Variants in TFAP2E observed in about 807,000 individuals in gnomAD.
The protein encoded by TFAP2E is transcription factor AP-2 epsilon.
A neutral mutation model predicts 37.9 loss-of-function variants in TFAP2E; 30 were observed. The observed-to-expected ratio is 0.79, with a 90% CI of 0.59 to 1.07. The LOEUF (loss-of-function observed/expected upper bound fraction) is 1.07. TFAP2E is among the 50% of genes least tolerant of loss of function. The probability of loss-of-function intolerance (pLI) is 0.00; values close to 1 mark genes in which losing one functional copy is unlikely to be tolerated. For synonymous variants in TFAP2E, 318 were observed against 295.8 expected, an observed-to-expected ratio of 1.08 and a Z score of -0.77; for missense variants, 567 against 637.9, an observed-to-expected ratio of 0.89 and a Z score of 1.20.
Position 35,594,977 on chromosome 1 carries a change from A to G in TFAP2E, c.*301A>G. The G allele has an allele frequency of 2.4e-6, 1 of 421,140 alleles. No individual in the cohort carries two copies. Among genetic ancestry groups the G allele is most frequent in the Non-Finnish European group, 4.3e-6 (1 of 233,968 alleles). The allele number at this position is 421,140 out of a possible 1,614,324, so 26.1% of individuals were successfully genotyped here. A position where few individuals can be genotyped will look rare whatever the true frequency, so the allele number is the denominator to read the frequency against. Reference sequence around the variant, plus strand: ...TGAAAAGATCTGGCTCATGGGGCAGAGCCCTTTCCATTAGCGTGGCTGGGT... The same window carrying G: ...TGAAAAGATCTGGCTCATGGGGCAGGGCCCTTTCCATTAGCGTGGCTGGGT... On this transcript the variant is annotated 3_prime_UTR_variant, in exon 7 of 7. Coordinates refer to ENST00000373235, the MANE Select transcript of TFAP2E (RefSeq NM_178548.4).
intron 6 of TFAP2E, among the ~76,000 whole-genome samples, chr1:35,593,908 A>G (rs1649756086): frequency 6.6e-6 from 1 of 152,214 alleles, no homozygotes; most frequent in South Asian, 2.1e-4. Flanking sequence ...TAATAATAGT[A>G]TAGACTTGTT....
In TFAP2E at chr1:35,573,373, C is replaced by A; in HGVS notation, c.-205C>A. The A allele has an allele frequency of 1.8e-6, 1 of 541,874 alleles. No individual in the cohort carries two copies. Among genetic ancestry groups the A allele is most frequent in the South Asian group, 3.5e-5 (1 of 28,514 alleles). 33.6% of individuals were successfully genotyped at this position (541,874 alleles called of 1,614,324 possible). ...CCGACTTTTCCAAGTGCGATCAGTG[C>A]CCGTCCGTCCTGCCTCCATGGACCC... On this transcript the variant is annotated 5_prime_UTR_variant, in exon 1 of 7. Transcript: ENST00000373235. This position sits in a 1 kb window ranked among gnomAD's most constrained non-coding sequence, Gnocchi z 5.9.
chr1:35,574,337 C>A lies in TFAP2E; in HGVS notation c.438C>A (p.Gly146=). ...GGCTCCTGCACGGCCTGGCCGACGG[C>A]GCGCACGGCCTGGCAGACGCACCTC... The part of the protein sequence containing the change: ...VPRLLHGLAD[G]AHGLADAPLG... Residue 146 remains glycine, a synonymous_variant, in exon 2 of 7, where the codon GGC becomes GGA. Coordinates refer to ENST00000373235, the MANE Select transcript of TFAP2E (RefSeq NM_178548.4). 6.9e-7 allele frequency: 1 copy of A among 1,445,862 alleles called. No individual in the cohort carries two copies. Among genetic ancestry groups the A allele is most frequent in the South Asian group, 1.4e-5 (1 of 72,870 alleles). The allele number at this position is 1,445,862 out of a possible 1,614,324, so 89.6% of individuals were successfully genotyped here. A position where few individuals can be genotyped will look rare whatever the true frequency, so the allele number is the denominator to read the frequency against.
intron 6 of TFAP2E, among the ~76,000 whole-genome samples, chr1:35,591,359 C>T (rs994407865): frequency 6.6e-6 from 1 of 152,180 alleles, no homozygotes; most frequent in African/African-American, 2.4e-5. Context: ...GCCCTACTCC[C>T]CATCGCAGGT....
intron 2 of TFAP2E, 66 bp from the exon 3 acceptor site, chr1:35,574,883 G>A (rs376551858): frequency 1.9e-6 from 3 of 1,610,012 alleles, no homozygotes. Context: ...TGGGTGGCAG[G>A]GGCTTGGGAA....
chr1:35,579,677 G>A (rs1479608426), intron 3 of TFAP2E, among the ~76,000 whole-genome samples: 1 of 152,086 alleles, frequency 6.6e-6, no homozygotes, highest in Non-Finnish European at 1.5e-5. Flanking sequence ...TTACAGGCGT[G>A]AGCCACCACG....
In TFAP2E at chr1:35,581,829, C is replaced by A. The variant is rs12032010; in HGVS notation, c.563-6501C>A. ...TCAGGTGATCCACCCGCCTTGGCCT[C>A]CCAAAATGCTGGGCTTACAGGTATG... On this transcript the variant is annotated intron_variant, in intron 3 of 6. Coordinates refer to ENST00000373235, the MANE Select transcript of TFAP2E (RefSeq NM_178548.4). 7.2e-3 allele frequency among the ~76,000 whole-genome samples: 1,096 copies of A among 152,046 alleles called. 15 individuals are homozygous for A. Among genetic ancestry groups the A allele is most frequent in the African/African-American group, 0.022 (920 of 41,454 alleles).
Position 35,579,166 on chromosome 1 carries a change from C to G in TFAP2E, c.562+4166C>G, listed in dbSNP as rs1167003838. 1.6e-4 allele frequency among the ~76,000 whole-genome samples: 22 copies of G among 134,952 alleles called. No homozygotes were observed. The East Asian group carries it at 5.1e-3, about 31-fold the overall frequency. The allele number at this position is 134,952 out of a possible 152,430, so 88.5% of individuals were successfully genotyped here. The stretch of plus-strand genomic sequence containing the variant: ...ATCCCAGCACTTTGGGAGGCCGAGG[C>G]GGGTGGATCACCTGAGGTCTGGAGT... On this transcript the variant is annotated intron_variant, in intron 3 of 6. Transcript: ENST00000373235.
rs1417419847 is a variant in TFAP2E, at chr1:35,577,321, C to T, written c.562+2321C>T. The T allele has an allele frequency of 2.2e-6, 1 of 455,684 alleles. No homozygotes were observed. 28.2% of individuals were successfully genotyped at this position (455,684 alleles called of 1,614,324 possible). A position where few individuals can be genotyped will look rare whatever the true frequency, so the allele number is the denominator to read the frequency against. ...CCCTCGGCGCCCCCAGCAGTTTTCA[C>T]CTTGGCCCTCCGCGGTCACTGCGGG... is the stretch of plus-strand genomic sequence containing the variant. On this transcript the variant is annotated intron_variant, in intron 3 of 6. Transcript: ENST00000373235. This position sits in a 1 kb window ranked among gnomAD's most constrained non-coding sequence, Gnocchi z 6.3.
chr1:35,591,120 T>C (rs11264179), intron 6 of TFAP2E, among the ~76,000 whole-genome samples: 39,649 of 152,046 alleles, frequency 0.26, 10,890 homozygotes, highest in East Asian at 0.78. Context: ...TTCCTGGGCA[T>C]ATGTGTGCAT....
chr1:35,586,305 A>T (rs1557436756), intron 3 of TFAP2E, among the ~76,000 whole-genome samples: 1 of 152,148 alleles, frequency 6.6e-6, no homozygotes, highest in Admixed American at 6.5e-5. Flanking sequence ...ACCTCTTTGA[A>T]CTTTCAGCAC....
chr1:35,579,079 CAAAAAAAAAAAAAAA>C (rs578084271), intron 3 of TFAP2E, among the ~76,000 whole-genome samples: 11 of 16,860 alleles, frequency 6.5e-4, no homozygotes, highest in Non-Finnish European at 1.4e-3. Context: ...GAGACTATCT[CAAAAAAAAAAAAAAA>C]AAAAAAAAAA....
Position 35,594,611 on chromosome 1 carries a change from A to G in TFAP2E, c.1264A>G (p.Ser422Gly). 2 of 1,614,220 alleles carry G rather than the reference A, an allele frequency of 1.2e-6. No homozygotes were observed. Among genetic ancestry groups the G allele is most frequent in the African/African-American group, 2.7e-5 (2 of 75,060 alleles). ...CAAGGGGCTGGACAAGATGTTTCTA[A>G]GCAGTGTGGGCAGTGGGCATGGTGA... ...SLKGLDKMFL[S>G]SVGSGHGETK... Residue 422 changes from serine (S) to glycine (G), a missense_variant, in exon 7 of 7, where the codon AGC (serine) becomes GGC (glycine). Coordinates refer to ENST00000373235, the MANE Select transcript of TFAP2E (RefSeq NM_178548.4).
chr1:35,589,109 G>A (rs1023874146), intron 4 of TFAP2E, among the ~76,000 whole-genome samples: 2 of 151,874 alleles, frequency 1.3e-5, no homozygotes, highest in African/African-American at 4.8e-5. Flanking sequence ...GTAGCGGATG[G>A]CCAGGAGCAT....
rs1557437802 is a variant in TFAP2E at position 35,588,580 on chromosome 1, C to T, written c.785+28C>T. Reference sequence around the variant, plus strand: ...AGGAAGGCCAGCCCACAATTCCCCGCCTGATTGGATCCCTGGCCTCTTCAG... The same window carrying T: ...AGGAAGGCCAGCCCACAATTCCCCGTCTGATTGGATCCCTGGCCTCTTCAG... On this transcript the variant is annotated intron_variant, in intron 4 of 6. Transcript: ENST00000373235. This position sits in a 1 kb window ranked among gnomAD's most constrained non-coding sequence, Gnocchi z 5.1. 1 of 1,543,868 alleles carries T rather than the reference C, an allele frequency of 6.5e-7. No individual in the cohort carries two copies. The highest frequency in any genetic ancestry group is 2.3e-5 in the East Asian group (1 of 44,138).
chr1:35,594,736 T>TG lies in TFAP2E; in HGVS notation c.*65dup. The TG allele has an allele frequency of 6.2e-7, 1 of 1,605,924 alleles. No individual in the cohort carries two copies. Among genetic ancestry groups the TG allele is most frequent in the Non-Finnish European group, 8.5e-7 (1 of 1,178,376 alleles). On this transcript the variant is annotated 3_prime_UTR_variant, in exon 7 of 7. Coordinates refer to ENST00000373235, the MANE Select transcript of TFAP2E (RefSeq NM_178548.4). ...GGCCCTGAAATAGGGACTTAGCTCT[T>TG]GGGGGTGGGCCTGGAAGGACTGAAA...
chr1:35,575,205 G>A (rs980224145), intron 3 of TFAP2E, among the ~76,000 whole-genome samples: 5 of 152,232 alleles, frequency 3.3e-5, no homozygotes, highest in African/African-American at 1.2e-4. Context: ...GGGCCTCAGC[G>A]GATCAGCATT....
Position 35,577,486 on chromosome 1 carries a change from C to A in TFAP2E, c.562+2486C>A. 1 of 456,424 alleles carries A rather than the reference C, an allele frequency of 2.2e-6. No individual in the cohort carries two copies. The highest frequency in any genetic ancestry group is 4.4e-6 in the Non-Finnish European group (1 of 226,724). The allele number at this position is 456,424 out of a possible 1,614,324, so 28.3% of individuals were successfully genotyped here. On this transcript the variant is annotated intron_variant, in intron 3 of 6. Transcript: ENST00000373235. This position sits in a 1 kb window ranked among gnomAD's most constrained non-coding sequence, Gnocchi z 6.3. ...AGTGCGGTACTGGAGCCTGCCCCGC[C>A]AGGGCCCTGGAATCAGAGAAAGTCG...
At position 35,583,641 on chromosome 1, in the gene TFAP2E, T is replaced by TGA. The variant is rs1553121702; in HGVS notation, c.563-4688_563-4687dup. On this transcript the variant is annotated intron_variant, in intron 3 of 6. Coordinates refer to ENST00000373235, the MANE Select transcript of TFAP2E (RefSeq NM_178548.4). ...GTGTGTGTGTGTGTGTGTGTGTGTG[T>TGA]GAATGGCTTCTGCATATGTGACCAG... 3.3e-3 allele frequency among the ~76,000 whole-genome samples: 491 copies of TGA among 150,030 alleles called. 1 individual carries two copies. The highest frequency in any genetic ancestry group is 5.2e-3 in the Non-Finnish European group (355 of 67,772).
Sources: gnomAD v4.1 joint callset for allele counts (sites outside exome capture counted in the v4.1 genomes callset) on GRCh38, gnomAD v4.1.1 for gene constraint, Gnocchi (gnomAD v3.1) non-coding constraint, MANE v1.5 for transcripts, NCBI Gene and HGNC (gene_info 2026-07-23, HGNC 2026-07-21) for gene names.